The following KIF1B variants were observed in gnomAD, a reference collection of about 807,000 sequenced individuals.
KIF1B encodes kinesin-like protein KIF1B.
Under a neutral mutation model 241.9 loss-of-function variants are expected in KIF1B, and 76 were observed. The ratio of observed to expected loss-of-function variants is 0.31; its 90% confidence interval spans 0.26 to 0.38. KIF1B has a LOEUF of 0.38. Ranked by LOEUF, KIF1B falls within the 10% of genes least tolerant of loss-of-function variation. The pLI is 1.00. For missense variants in KIF1B, 1,622 were observed against 2,271.4 expected (o/e 0.71, Z 5.81); for synonymous variants, 750 against 796.7 (o/e 0.94, Z 0.99).
chr1:10,327,860 T>C (rs564516629), intron 27 of KIF1B, among the ~76,000 whole-genome samples: 19 of 152,310 alleles, frequency 1.2e-4, no homozygotes, highest in African/African-American at 4.6e-4. Context: ...GTACCAGTTA[T>C]CTAAAAATTA....
rs905240179 is a variant in KIF1B, at chr1:10,302,990, T to C, written c.2115+5744T>C. The stretch of plus-strand genomic sequence containing the variant: ...TACATAGGCGTATGTCTTAATAGAC[T>C]TCCACATTATTGAGGGGTTTTTTTT... On this transcript the variant is annotated intron_variant, in intron 22 of 48. Transcript: ENST00000676179. 2.2e-5 allele frequency among the ~76,000 whole-genome samples: 3 copies of C among 139,062 alleles called. No homozygotes were observed. In the Admixed American group the frequency reaches 2.2e-4, roughly 10 times the overall value. 91.2% of individuals were successfully genotyped at this position (139,062 alleles called of 152,430 possible). A position where few individuals can be genotyped will look rare whatever the true frequency, so the allele number is the denominator to read the frequency against.
At chr1:10,223,934 G>T (rs1326149245) in intron 1 of KIF1B, among the ~76,000 whole-genome samples, 2 of 152,128 alleles carry the variant, frequency 1.3e-5, no homozygotes, top group Admixed American at 1.3e-4. Context: ...TTCTAAAAAG[G>T]ATAGATGTTA....
At chr1:10,347,217 A>G (rs1652620547) in intron 35 of KIF1B, among the ~76,000 whole-genome samples, 1 of 152,200 alleles carries the variant, frequency 6.6e-6, no homozygotes, top group South Asian at 2.1e-4. Flanking sequence ...TCCTATATGT[A>G]ATTCTGAGAA....
At chr1:10,333,710 A>G (rs1386353670) in intron 27 of KIF1B, among the ~76,000 whole-genome samples, 1 of 152,132 alleles carries the variant, frequency 6.6e-6, no homozygotes, top group Non-Finnish European at 1.5e-5. Flanking sequence ...ACAAAAAGCA[A>G]CCAATAAAGA....
At chr1:10,340,480 A>G (rs776128258) in intron 32 of KIF1B, among the ~76,000 whole-genome samples, 25 of 152,258 alleles carry the variant, frequency 1.6e-4, no homozygotes, top group Non-Finnish European at 3.2e-4. Context: ...TGTGTAATTT[A>G]ATCTTTACCT....
At chr1:10,351,922 ATGAT>A (rs1160779825) in intron 37 of KIF1B, among the ~76,000 whole-genome samples, 1 of 152,118 alleles carries the variant, frequency 6.6e-6, no homozygotes, top group African/African-American at 2.4e-5. Context: ...GCAGTGAGCT[ATGAT>A]CAAACCACTG....
At chr1:10,257,988 A>G (rs1282374541) in intron 3 of KIF1B, among the ~76,000 whole-genome samples, 1 of 152,168 alleles carries the variant, frequency 6.6e-6, no homozygotes, top group African/African-American at 2.4e-5. Flanking sequence ...TGGGGAATCG[A>G]TGTTTTAAAC....
chr1:10,241,890 CA>C (rs1317114169), intron 2 of KIF1B, among the ~76,000 whole-genome samples: 1 of 152,030 alleles, frequency 6.6e-6, no homozygotes, highest in Non-Finnish European at 1.5e-5. Context: ...TGGCAGCTAG[CA>C]AAGTCTGGAA....
chr1:10,370,658 T>A (rs1638707476), intron 44 of KIF1B, among the ~76,000 whole-genome samples: 1 of 150,428 alleles, frequency 6.6e-6, no homozygotes, highest in Non-Finnish European at 1.5e-5. Flanking sequence ...ATAATAATAA[T>A]AATAATAATA....
intron 38 of KIF1B, among the ~76,000 whole-genome samples, chr1:10,354,639 A>G (rs75767761): frequency 0.029 from 4,401 of 152,300 alleles, 66 homozygotes; most frequent in African/African-American, 0.039. Context: ...CTAATGTTTA[A>G]TGAAGTTAGA....
intron 32 of KIF1B, 31 bp from the exon 33 acceptor site, chr1:10,342,019 G>T: frequency 7.5e-7 from 1 of 1,339,850 alleles, no homozygotes; most frequent in Non-Finnish European, 1.1e-6. Flanking sequence ...GTATTTTCTT[G>T]TAATCTTTTC....
rs1196923408 is a variant in KIF1B at position 10,278,031 on chromosome 1, T to C, written c.1083T>C (p.Asn361=). 1.2e-6 allele frequency: 2 copies of C among 1,614,054 alleles called. No individual in the cohort carries two copies. Among genetic ancestry groups the C allele is most frequent in the South Asian group, 1.1e-5 (1 of 91,082 alleles). The part of the protein sequence containing the change: ...AKQIKCNAVI[N]EDPNAKLVRE... ...AAATTAAATGCAATGCTGTTATCAATGAGGACCCCAATGCCAAACTGGTTC... is the reference window on the plus strand; with the variant it reads ...AAATTAAATGCAATGCTGTTATCAACGAGGACCCCAATGCCAAACTGGTTC... The change falls in exon 13 of 49, where the codon AAT becomes AAC. Residue 361 remains asparagine (N), a synonymous_variant. Transcript: ENST00000676179.
chr1:10,263,447 GC>G (rs1648269541), intron 5 of KIF1B, among the ~76,000 whole-genome samples: 1 of 151,674 alleles, frequency 6.6e-6, no homozygotes, highest in African/African-American at 2.4e-5. Context: ...AAAATAGGCT[GC>G]CTTTTAAGCG....
At chr1:10,334,707 G>A (rs777961352) in intron 28 of KIF1B, 69 bp downstream of exon 28, 15 of 1,202,078 alleles carry the variant, frequency 1.2e-5, no homozygotes, top group African/African-American at 6.0e-5. Context: ...CTGATTCTGC[G>A]TGGGTCACGC....
chr1:10,341,864 C>T (rs915247056), intron 32 of KIF1B, among the ~76,000 whole-genome samples, 186 bp from the exon 33 acceptor site: 3 of 150,826 alleles, frequency 2.0e-5, no homozygotes, highest in Non-Finnish European at 2.9e-5. Context: ...CTAGCTACTC[C>T]GGAGGCTGAG....
At chr1:10,270,392 C>T (rs1648723631) in intron 7 of KIF1B, among the ~76,000 whole-genome samples, 1 of 152,116 alleles carries the variant, frequency 6.6e-6, no homozygotes, top group Admixed American at 6.5e-5. Flanking sequence ...TTTTGAGATT[C>T]ATCTATGTTG....
In KIF1B at chr1:10,300,850, CTG is replaced by C. The variant is rs575276352; in HGVS notation, c.2115+3608_2115+3609del. On this transcript the variant is annotated intron_variant, in intron 22 of 48. Coordinates refer to ENST00000676179, the MANE Select transcript of KIF1B (RefSeq NM_001365951.3). ...ATGAAAAGAAAAATTAATGTAGAGT[CTG>C]TGTAAATTTAGCAAACTTTTGTTGG... Among the ~76,000 whole-genome samples the C allele has an allele frequency of 3.3e-5, 5 of 152,200 alleles. No homozygotes were observed. The South Asian group carries it at 6.2e-4, about 19-fold the overall frequency.
intron 1 of KIF1B, among the ~76,000 whole-genome samples, chr1:10,215,138 T>TTATATATATATATA (rs1162229178): frequency 1.8e-4 from 11 of 59,564 alleles, no homozygotes; most frequent in South Asian, 6.4e-4. Flanking sequence ...TTTATATATT[T>TTATATATATATATA]TATATATATA....
intron 2 of KIF1B, among the ~76,000 whole-genome samples, chr1:10,239,715 C>A (rs1175331975): frequency 6.6e-6 from 1 of 152,040 alleles, no homozygotes; most frequent in African/African-American, 2.4e-5. Context: ...TCAAGGGATT[C>A]TCCTGCCTCA....
Sources: allele counts gnomAD v4.1 joint callset (sites outside exome capture counted in the v4.1 genomes callset), GRCh38; gene constraint gnomAD v4.1.1; transcripts MANE v1.5; gene names NCBI Gene and HGNC (gene_info 2026-07-23, HGNC 2026-07-21).